ZDHHC3: variants seen among roughly 807,000 people sequenced by gnomAD.
ZDHHC3 encodes the protein palmitoyltransferase ZDHHC3.
ZDHHC3 carries 9 observed loss-of-function variants against 30.6 expected under a neutral mutation model. That is an observed-to-expected ratio of 0.29 (90% CI 0.18 to 0.51). The LOEUF is 0.51. Among genes scored for constraint, ZDHHC3 ranks in the 20% least tolerant of loss-of-function variants. The pLI, the probability that ZDHHC3 is intolerant of heterozygous loss-of-function variation, is 0.97. For missense variants in ZDHHC3, 246 were observed against 384.2 expected (o/e 0.64, Z 3.01); for synonymous variants, 136 against 140.2 (o/e 0.97, Z 0.21).
At position 44,964,438 on chromosome 3, in the gene ZDHHC3, T is replaced by C. The variant is rs1434430806; in HGVS notation, c.-24-4978A>G. ...GGCAGGATGACCAGGGCTGTGTGCG[T>C]GTCTGTGGACAGATGCAGGCTTTGT... On this transcript the variant is annotated intron_variant, in intron 1 of 6. Coordinates refer to ENST00000424952, the MANE Select transcript of ZDHHC3 (RefSeq NM_001135179.2). Among the ~76,000 whole-genome samples the C allele has an allele frequency of 2.6e-5, 4 of 152,170 alleles. No individual in the cohort carries two copies. The East Asian group carries it at 7.7e-4, about 29-fold the overall frequency.
At chr3:44,968,565 G>A (rs1305265284) in intron 1 of ZDHHC3, among the ~76,000 whole-genome samples, 3 of 151,952 alleles carry the variant, frequency 2.0e-5, no homozygotes, top group Admixed American at 1.3e-4. Flanking sequence ...GCATGGTAGT[G>A]TGTGCTTATA....
chr3:44,945,096 G>A, intron 3 of ZDHHC3, 72 bp downstream of exon 3: 1 of 1,604,234 alleles, frequency 6.2e-7, no homozygotes, highest in Middle Eastern at 2.1e-4. Flanking sequence ...TACTCCAGGA[G>A]GCAGGTGTTG....
intron 3 of ZDHHC3, among the ~76,000 whole-genome samples, chr3:44,940,212 C>T (rs1702324970): frequency 6.6e-6 from 1 of 152,230 alleles, no homozygotes; most frequent in South Asian, 2.1e-4. Flanking sequence ...ACCTCAGAGC[C>T]AGCCCTTTTC....
At chr3:44,943,927 G>A (rs532073431) in intron 3 of ZDHHC3, among the ~76,000 whole-genome samples, 6 of 152,130 alleles carry the variant, frequency 3.9e-5, no homozygotes, top group East Asian at 3.9e-4. Flanking sequence ...GTCTGAAGCC[G>A]CAGTGAGCTA....
chr3:44,950,207 C>G (rs548945831), intron 2 of ZDHHC3, among the ~76,000 whole-genome samples: 6 of 152,208 alleles, frequency 3.9e-5, no homozygotes, highest in African/African-American at 1.4e-4. Flanking sequence ...AAAACCACAA[C>G]TAGAAGTTAC....
chr3:44,975,328 G>A (rs1705818905), intron 1 of ZDHHC3: 1 of 151,992 alleles, frequency 6.6e-6, no homozygotes, highest in Non-Finnish European at 1.5e-5. Flanking sequence ...GCTTTTTTTC[G>A]GGCAACTGCT....
intron 6 of ZDHHC3, among the ~76,000 whole-genome samples, chr3:44,929,075 G>A (rs1701256726): frequency 6.6e-6 from 1 of 152,206 alleles, no homozygotes; most frequent in Admixed American, 6.5e-5. Context: ...TTTCAGCCAC[G>A]GCTGCTGGGC....
At position 44,935,181 on chromosome 3, in the gene ZDHHC3, G is replaced by A. The variant is rs570264103; in HGVS notation, c.432-1197C>T. ...AAAAACTTTTTAATCTGAGGAATGT[G>A]AGCCCATTTAATTATTAGGCCTAGA... On this transcript the variant is annotated intron_variant, in intron 3 of 6. Coordinates refer to ENST00000424952, the MANE Select transcript of ZDHHC3 (RefSeq NM_001135179.2). 6.6e-5 allele frequency among the ~76,000 whole-genome samples: 10 copies of A among 152,310 alleles called. No individual in the cohort carries two copies. The East Asian group carries it at 1.3e-3, about 21-fold the overall frequency.
In ZDHHC3 at chr3:44,926,655, C is replaced by A; in HGVS notation, c.*34G>T. On this transcript the variant is annotated 3_prime_UTR_variant, in exon 7 of 7. Coordinates refer to ENST00000424952, the MANE Select transcript of ZDHHC3 (RefSeq NM_001135179.2). ...TGGGACGGTAGTGCTGTGGTGTGGA[C>A]TTGTGTCTGAGTGGCCATGCCGGTC... 6.4e-7 allele frequency: 1 copy of A among 1,556,558 alleles called. No homozygotes were observed. The highest frequency in any genetic ancestry group is 8.7e-7 in the Non-Finnish European group (1 of 1,154,514).
intron 3 of ZDHHC3, among the ~76,000 whole-genome samples, chr3:44,944,253 G>A (rs547928202): frequency 6.6e-6 from 1 of 152,210 alleles, no homozygotes; most frequent in East Asian, 1.9e-4. Context: ...GGGTTCAAGC[G>A]ATTCTGCTTC....
chr3:44,942,994 G>C (rs1430038991), intron 3 of ZDHHC3, among the ~76,000 whole-genome samples: 1 of 152,124 alleles, frequency 6.6e-6, no homozygotes. Context: ...GAAAAGACCA[G>C]ACTGAAGCCT....
In ZDHHC3 at chr3:44,918,428, T is replaced by C; in HGVS notation, c.*8261A>G. On this transcript the variant is annotated 3_prime_UTR_variant, in exon 7 of 7. Transcript: ENST00000424952. ...TCCACCCACCACCCAGCCCTCCCCT[T>C]CTTTCCTTCCACAAGTGCAATGCCA... 1.0e-6 allele frequency: 1 copy of C among 985,386 alleles called. No homozygotes were observed. The allele number at this position is 985,386 out of a possible 1,614,324, so 61.0% of individuals were successfully genotyped here. A position where few individuals can be genotyped will look rare whatever the true frequency, so the allele number is the denominator to read the frequency against.
At position 44,922,868 on chromosome 3, in the gene ZDHHC3, T is replaced by C; in HGVS notation, c.*3821A>G. On this transcript the variant is annotated 3_prime_UTR_variant, in exon 7 of 7. Coordinates refer to ENST00000424952, the MANE Select transcript of ZDHHC3 (RefSeq NM_001135179.2). Reference sequence around the variant, plus strand: ...CTTTGAGGAGGATTCTAGCAAAATCTTTCTCTTTTCACATTTCTTTGATAT... The same window carrying C: ...CTTTGAGGAGGATTCTAGCAAAATCCTTCTCTTTTCACATTTCTTTGATAT... 3.0e-6 allele frequency: 3 copies of C among 985,306 alleles called. No homozygotes were observed. Among genetic ancestry groups the C allele is most frequent in the Non-Finnish European group, 3.6e-6 (3 of 829,914 alleles). The allele number at this position is 985,306 out of a possible 1,614,324, so 61.0% of individuals were successfully genotyped here. A position where few individuals can be genotyped will look rare whatever the true frequency, so the allele number is the denominator to read the frequency against.
Position 44,959,010 on chromosome 3 carries a change from C to G in ZDHHC3, c.306+121G>C. Reference sequence around the variant, plus strand: ...ACAAGGCAGAGATCTACTTCCTCACCCTCCCCTGGCCCTCCTATCCTCCAA... The same window carrying G: ...ACAAGGCAGAGATCTACTTCCTCACGCTCCCCTGGCCCTCCTATCCTCCAA... On this transcript the variant is annotated intron_variant, in intron 2 of 6. Coordinates refer to ENST00000424952, the MANE Select transcript of ZDHHC3 (RefSeq NM_001135179.2). This position sits in a 1 kb window ranked among gnomAD's most constrained non-coding sequence, Gnocchi z 4.3. 1 of 1,236,642 alleles carries G rather than the reference C, an allele frequency of 8.1e-7. No homozygotes were observed. Among genetic ancestry groups the G allele is most frequent in the East Asian group, 2.4e-5 (1 of 41,878 alleles). 76.6% of individuals were successfully genotyped at this position (1,236,642 alleles called of 1,614,324 possible). A position where few individuals can be genotyped will look rare whatever the true frequency, so the allele number is the denominator to read the frequency against.
At chr3:44,965,654 T>C (rs1192853221) in intron 1 of ZDHHC3, among the ~76,000 whole-genome samples, 2 of 152,216 alleles carry the variant, frequency 1.3e-5, no homozygotes, top group African/African-American at 4.8e-5. Context: ...CAGTCCATGC[T>C]TTATGGACAG....
intron 1 of ZDHHC3, among the ~76,000 whole-genome samples, chr3:44,963,144 C>G (rs1250369938): frequency 6.6e-6 from 1 of 152,172 alleles, no homozygotes; most frequent in Admixed American, 6.5e-5. Context: ...CAAGTAGGAC[C>G]ATGAGGTAAG....
Position 44,918,741 on chromosome 3 carries a change from C to G in ZDHHC3, c.*7948G>C, listed in dbSNP as rs560642949. 24 of 988,868 alleles carry G rather than the reference C, an allele frequency of 2.4e-5. No individual in the cohort carries two copies. Among genetic ancestry groups the G allele is most frequent in the African/African-American group, 3.5e-5 (2 of 57,268 alleles). 61.3% of individuals were successfully genotyped at this position (988,868 alleles called of 1,614,324 possible). A position where few individuals can be genotyped will look rare whatever the true frequency, so the allele number is the denominator to read the frequency against. ...GTGGGGAGGTAAGGCTGGGCTCAGGCCTGCTCATGCAGCAGATCCACCCTG... is the reference window on the plus strand; with the variant it reads ...GTGGGGAGGTAAGGCTGGGCTCAGGGCTGCTCATGCAGCAGATCCACCCTG... On this transcript the variant is annotated 3_prime_UTR_variant, in exon 7 of 7. Coordinates refer to ENST00000424952, the MANE Select transcript of ZDHHC3 (RefSeq NM_001135179.2).
intron 1 of ZDHHC3, among the ~76,000 whole-genome samples, chr3:44,966,740 G>A (rs964201776): frequency 6.6e-6 from 1 of 152,170 alleles, no homozygotes; most frequent in Non-Finnish European, 1.5e-5. Flanking sequence ...ATTTGTGTAA[G>A]GATCCAAAAG....
intron 2 of ZDHHC3, among the ~76,000 whole-genome samples, chr3:44,953,158 G>A (rs9879460): frequency 0.024 from 3,671 of 152,268 alleles, 157 homozygotes; most frequent in African/African-American, 0.081. Context: ...GGTAACAAAG[G>A]CAGGGAAGTC....
Sources: gnomAD v4.1 joint callset for allele counts (sites outside exome capture counted in the v4.1 genomes callset) on GRCh38, gnomAD v4.1.1 for gene constraint, Gnocchi (gnomAD v3.1) non-coding constraint, MANE v1.5 for transcripts, NCBI Gene and HGNC (gene_info 2026-07-23, HGNC 2026-07-21) for gene names.